Variants in GABBR2 observed in about 807,000 individuals in gnomAD.
GABBR2 encodes the protein gamma-aminobutyric acid type B receptor subunit 2.
Under a neutral mutation model 105.6 loss-of-function variants are expected in GABBR2, and 23 were observed. The observed-to-expected ratio is 0.22, with a 90% CI of 0.16 to 0.31. The LOEUF is 0.31. Ranked by LOEUF, GABBR2 falls within the 10% of genes least tolerant of loss-of-function variation. The probability of loss-of-function intolerance (pLI) is 1.00; values close to 1 mark genes in which losing one functional copy is unlikely to be tolerated. For synonymous variants in GABBR2, 478 were observed against 499.7 expected, an observed-to-expected ratio of 0.96 and a Z score of 0.58; for missense variants, 734 against 1,245.5, an observed-to-expected ratio of 0.59 and a Z score of 6.18.
At chr9:98,430,148 G>T (rs1419639611) in intron 7 of GABBR2, among the ~76,000 whole-genome samples, 1 of 152,046 alleles carries the variant, frequency 6.6e-6, no homozygotes, top group Non-Finnish European at 1.5e-5. Flanking sequence ...AAATTAGCCG[G>T]GCTTGGTGGT....
At chr9:98,686,834 C>T (rs1156478145) in intron 1 of GABBR2, among the ~76,000 whole-genome samples, 1 of 152,126 alleles carries the variant, frequency 6.6e-6, no homozygotes, top group African/African-American at 2.4e-5. Flanking sequence ...CTTGCTTCCT[C>T]CCTGTCACCC....
chr9:98,307,215 C>T (rs569681376), intron 14 of GABBR2, among the ~76,000 whole-genome samples: 9 of 152,206 alleles, frequency 5.9e-5, no homozygotes, highest in Non-Finnish European at 1.0e-4. Flanking sequence ...CTGTGACTTG[C>T]AGCTCTACTC....
intron 4 of GABBR2, among the ~76,000 whole-genome samples, chr9:98,491,378 T>C (rs2131663586): frequency 6.6e-6 from 1 of 152,348 alleles, no homozygotes; most frequent in East Asian, 1.9e-4. Flanking sequence ...TGAAACACAA[T>C]CTGAAAGTCT....
chr9:98,648,585 C>T (rs764952701), intron 1 of GABBR2, among the ~76,000 whole-genome samples: 1 of 152,216 alleles, frequency 6.6e-6, no homozygotes, highest in Non-Finnish European at 1.5e-5. Context: ...GGTCACTCCT[C>T]CCACTTCTCC....
rs1368728838 is a variant in GABBR2 at position 98,708,863 on chromosome 9, C to G, written c.-126G>C. The G allele has an allele frequency of 2.1e-6, 1 of 485,444 alleles. No individual in the cohort carries two copies. Among genetic ancestry groups the G allele is most frequent in the African/African-American group, 2.2e-5 (1 of 46,408 alleles). The allele number at this position is 485,444 out of a possible 1,614,324, so 30.1% of individuals were successfully genotyped here. ...GCCGGCCCGGGCCCCGGCTCCGTCTCGGGCTAGGGTTCCGGCTCGGCTCAG... is the reference window on the plus strand; with the variant it reads ...GCCGGCCCGGGCCCCGGCTCCGTCTGGGGCTAGGGTTCCGGCTCGGCTCAG... On this transcript the variant is annotated 5_prime_UTR_variant, in exon 1 of 19. Transcript: ENST00000259455.
chr9:98,301,371 T>A (rs1830466397), intron 16 of GABBR2, among the ~76,000 whole-genome samples: 1 of 152,168 alleles, frequency 6.6e-6, no homozygotes, highest in Non-Finnish European at 1.5e-5. Flanking sequence ...CCCACACACA[T>A]TTGGTCACAG....
intron 1 of GABBR2, among the ~76,000 whole-genome samples, chr9:98,644,662 C>T (rs554683697): frequency 9.2e-5 from 14 of 152,032 alleles, no homozygotes; most frequent in African/African-American, 2.7e-4. Flanking sequence ...GCCAACATAG[C>T]GAAACCCCAT....
intron 1 of GABBR2, among the ~76,000 whole-genome samples, chr9:98,624,210 G>A (rs1345660609): frequency 1.3e-5 from 2 of 152,168 alleles, no homozygotes; most frequent in East Asian, 1.9e-4. Context: ...TGAGCCCCAC[G>A]AAGATCTGGC....
At chr9:98,634,031 G>A (rs370974170) in intron 1 of GABBR2, among the ~76,000 whole-genome samples, 7 of 152,300 alleles carry the variant, frequency 4.6e-5, no homozygotes, top group South Asian at 2.1e-4. Context: ...GCTGTCACAC[G>A]GGGCTGAGTG....
At chr9:98,648,012 C>T (rs985781956) in intron 1 of GABBR2, among the ~76,000 whole-genome samples, 2 of 149,816 alleles carry the variant, frequency 1.3e-5, no homozygotes, top group Non-Finnish European at 1.5e-5. Flanking sequence ...AACCTGCCAA[C>T]AGTCATGGCC....
At chr9:98,350,161 A>T (rs1242520714) in intron 13 of GABBR2, among the ~76,000 whole-genome samples, 7 of 116,906 alleles carry the variant, frequency 6.0e-5, no homozygotes, top group African/African-American at 1.6e-4. Context: ...CTAGTGGTTT[A>T]TTGATTTTAT....
At chr9:98,541,157 C>T (rs1333151500) in intron 3 of GABBR2, among the ~76,000 whole-genome samples, 3 of 152,150 alleles carry the variant, frequency 2.0e-5, no homozygotes, top group Non-Finnish European at 4.4e-5. Flanking sequence ...TGAGGTTAAT[C>T]AAGACCTCTA....
chr9:98,468,441 T>C (rs1362727631), intron 6 of GABBR2, among the ~76,000 whole-genome samples: 1 of 152,106 alleles, frequency 6.6e-6, no homozygotes, highest in Admixed American at 6.5e-5. Flanking sequence ...TGTGCTAGGA[T>C]GAAGTGAATA....
intron 5 of GABBR2, among the ~76,000 whole-genome samples, chr9:98,479,229 A>G (rs1420841795): frequency 6.6e-6 from 1 of 152,230 alleles, no homozygotes; most frequent in Non-Finnish European, 1.5e-5. Flanking sequence ...ATGGTGGCCC[A>G]TTCCATCTTT....
intron 7 of GABBR2, among the ~76,000 whole-genome samples, chr9:98,424,263 CT>C (rs1209863584): frequency 6.6e-6 from 1 of 152,108 alleles, no homozygotes; most frequent in East Asian, 1.9e-4. Flanking sequence ...CAGAAAAGGC[CT>C]TTGACAAAAT....
chr9:98,567,167 G>A (rs1426800654), intron 2 of GABBR2, among the ~76,000 whole-genome samples: 1 of 152,238 alleles, frequency 6.6e-6, no homozygotes, highest in African/African-American at 2.4e-5. Context: ...AAGGGTTGAA[G>A]TGGCTGGCGG....
chr9:98,440,517 C>CT (rs1826013465), intron 7 of GABBR2, among the ~76,000 whole-genome samples: 1 of 152,174 alleles, frequency 6.6e-6, no homozygotes. Context: ...CACTTCCCCC[C>CT]TTCTACAATT....
chr9:98,490,769 A>G (rs553798066), intron 4 of GABBR2, among the ~76,000 whole-genome samples: 12 of 152,334 alleles, frequency 7.9e-5, no homozygotes, highest in Non-Finnish European at 1.6e-4. Context: ...AACTCTCCCT[A>G]TGAGTGCCCA....
intron 7 of GABBR2, among the ~76,000 whole-genome samples, chr9:98,414,004 C>G (rs1832638837): frequency 6.6e-6 from 1 of 152,200 alleles, no homozygotes; most frequent in Non-Finnish European, 1.5e-5. Context: ...ATCAGCAAGT[C>G]CTGTTGGGCA....
Sources: gnomAD v4.1 joint callset for allele counts (sites outside exome capture counted in the v4.1 genomes callset) on GRCh38, gnomAD v4.1.1 for gene constraint, MANE v1.5 for transcripts, NCBI Gene and HGNC (gene_info 2026-07-23, HGNC 2026-07-21) for gene names.